Variants in ANKS1B observed in about 807,000 individuals in gnomAD.
The protein encoded by ANKS1B is ankyrin repeat and sterile alpha motif domain containing 1B.
Under a neutral mutation model 148.3 loss-of-function variants are expected in ANKS1B, and 36 were observed. That is an observed-to-expected ratio of 0.24 (90% CI 0.19 to 0.32). The LOEUF is 0.32. Among genes scored for constraint, ANKS1B ranks in the 10% least tolerant of loss-of-function variants. ANKS1B has a pLI of 1.00. For synonymous variants in ANKS1B, 542 were observed against 560.8 expected (o/e 0.97, Z 0.47); for missense variants, 1,157 against 1,542.6 (o/e 0.75, Z 4.19).
chr12:99,863,164 T>G (rs2090262300), intron 1 of ANKS1B, among the ~76,000 whole-genome samples: 1 of 152,184 alleles, frequency 6.6e-6, no homozygotes, highest in African/African-American at 2.4e-5. Context: ...GCTTCTTATG[T>G]ATGTGCCTCT....
intron 14 of ANKS1B, among the ~76,000 whole-genome samples, chr12:99,197,069 A>C (rs562677257): frequency 6.6e-6 from 1 of 152,164 alleles, no homozygotes; most frequent in East Asian, 1.9e-4. Context: ...TAACAGTACC[A>C]CACCTAATTG....
chr12:98,908,111 C>T (rs2099781909), intron 17 of ANKS1B, among the ~76,000 whole-genome samples: 1 of 152,192 alleles, frequency 6.6e-6, no homozygotes, highest in Admixed American at 6.5e-5. Context: ...GTACCAAGCA[C>T]ATCCTGGCCT....
At chr12:99,586,055 T>A (rs1344928197) in intron 9 of ANKS1B, among the ~76,000 whole-genome samples, 1 of 152,210 alleles carries the variant, frequency 6.6e-6, no homozygotes, top group African/African-American at 2.4e-5. Context: ...AGAAAATGAA[T>A]TTTTCCCTTC....
At position 99,632,767 on chromosome 12, in the gene ANKS1B, A is replaced by ATATATATATATATATATATT. The variant is rs1441486862; in HGVS notation, c.1272+22299_1272+22300insAATATATATATATATATATA. On this transcript the variant is annotated intron_variant, in intron 9 of 26. Transcript: ENST00000683438. ...TATATATATATATATATATATATAT[A>ATATATATATATATATATATT]TTTTAATTATACTTTAAGTTCTAGG... Among the ~76,000 whole-genome samples, 121 of 71,270 alleles carry ATATATATATATATATATATT rather than the reference A, an allele frequency of 1.7e-3. 4 individuals carry two copies. Among genetic ancestry groups the ATATATATATATATATATATT allele is most frequent in the Non-Finnish European group, 2.3e-3 (81 of 34,668 alleles). The allele number at this position is 71,270 out of a possible 152,430, so 46.8% of individuals were successfully genotyped here. A position where few individuals can be genotyped will look rare whatever the true frequency, so the allele number is the denominator to read the frequency against.
At chr12:99,650,843 TATTCTA>T (rs1301171881) in intron 9 of ANKS1B, among the ~76,000 whole-genome samples, 4 of 152,122 alleles carry the variant, frequency 2.6e-5, no homozygotes, top group Non-Finnish European at 5.9e-5. Flanking sequence ...GATTAGCCAA[TATTCTA>T]ATTTTGCAAG....
intron 17 of ANKS1B, chr12:98,954,480 G>T (rs1322680062): frequency 6.6e-6 from 1 of 152,200 alleles, no homozygotes; most frequent in Non-Finnish European, 1.5e-5. Flanking sequence ...AGCCATTAGG[G>T]CTCCTCCCTT....
chr12:99,843,332 G>C (rs2086077824), intron 1 of ANKS1B, among the ~76,000 whole-genome samples: 1 of 151,978 alleles, frequency 6.6e-6, no homozygotes, highest in Non-Finnish European at 1.5e-5. Context: ...GGTGGGGCTA[G>C]CTGCACAGAT....
intron 12 of ANKS1B, among the ~76,000 whole-genome samples, chr12:99,391,330 G>A (rs1386615284): frequency 6.6e-6 from 1 of 152,048 alleles, no homozygotes; most frequent in African/African-American, 2.4e-5. Flanking sequence ...TAGCTACAAG[G>A]GTTTGATTGG....
At chr12:99,699,034 T>C (rs1368988997) in intron 8 of ANKS1B, among the ~76,000 whole-genome samples, 1 of 152,188 alleles carries the variant, frequency 6.6e-6, no homozygotes. Context: ...CAGATTTTCT[T>C]ATTTTTCAAA....
At chr12:98,824,733 G>A (rs2099233574) in intron 19 of ANKS1B, among the ~76,000 whole-genome samples, 1 of 152,180 alleles carries the variant, frequency 6.6e-6, no homozygotes, top group African/African-American at 2.4e-5. Flanking sequence ...TTTGTAGACA[G>A]AGTTAACCCC....
In ANKS1B at chr12:99,263,707, C is replaced by T. The variant is rs756925813; in HGVS notation, c.1757-16843G>A. 7.0e-4 allele frequency among the ~76,000 whole-genome samples: 106 copies of T among 152,118 alleles called. 1 individual carries two copies. The highest frequency in any genetic ancestry group is 9.7e-4 in the East Asian group (5 of 5,170). On this transcript the variant is annotated intron_variant, in intron 12 of 26. Coordinates refer to ENST00000683438, the MANE Select transcript of ANKS1B (RefSeq NM_001352186.2). ...GTGAGTGAGTTCTCATGAGATATGACGGTTTTATAAGTGCTTGACAGTTCC... is the reference window on the plus strand; with the variant it reads ...GTGAGTGAGTTCTCATGAGATATGATGGTTTTATAAGTGCTTGACAGTTCC...
chr12:99,773,886 A>T (rs1205698707), intron 7 of ANKS1B, among the ~76,000 whole-genome samples: 1 of 152,124 alleles, frequency 6.6e-6, no homozygotes. Context: ...AAGGTTTCCA[A>T]GAACACAAAA....
At chr12:98,820,365 T>C (rs2099175245) in intron 19 of ANKS1B, among the ~76,000 whole-genome samples, 1 of 152,228 alleles carries the variant, frequency 6.6e-6, no homozygotes, top group African/African-American at 2.4e-5. Flanking sequence ...ATGATGCCGA[T>C]GAATCACCAG....
chr12:98,757,963 C>T (rs1472256768), intron 25 of ANKS1B, among the ~76,000 whole-genome samples: 6 of 103,166 alleles, frequency 5.8e-5, no homozygotes, highest in East Asian at 2.9e-4. Flanking sequence ...TGTGTGCACA[C>T]GGGGTGCAGG....
chr12:98,941,011 C>G (rs543065280), intron 17 of ANKS1B, among the ~76,000 whole-genome samples: 100 of 152,198 alleles, frequency 6.6e-4, no homozygotes, highest in African/African-American at 2.3e-3. Flanking sequence ...TAGTTATATT[C>G]TATAAGGTCA....
chr12:99,577,916 C>T (rs186088031), intron 9 of ANKS1B, among the ~76,000 whole-genome samples: 241 of 151,828 alleles, frequency 1.6e-3, no homozygotes, highest in Middle Eastern at 0.01. Flanking sequence ...CTGACAGAGA[C>T]GCAAGAGAAA....
At chr12:99,601,465 T>C (rs1437995916) in intron 9 of ANKS1B, among the ~76,000 whole-genome samples, 1 of 152,130 alleles carries the variant, frequency 6.6e-6, no homozygotes. Context: ...TTTTAATGTA[T>C]CAAGAGAAAG....
chr12:99,618,026 T>G (rs759026998), intron 9 of ANKS1B, among the ~76,000 whole-genome samples: 8 of 152,184 alleles, frequency 5.3e-5, no homozygotes, highest in Non-Finnish European at 1.2e-4. Flanking sequence ...ACCACCTCTT[T>G]GACCTCAATC....
At chr12:99,888,999 C>CACACACACACA (rs1491163791) in intron 1 of ANKS1B, among the ~76,000 whole-genome samples, 1 of 146,854 alleles carries the variant, frequency 6.8e-6, no homozygotes, top group Non-Finnish European at 1.5e-5. Context: ...CACACACACA[C>CACACACACACA]AACTAGAGAC....
Sources: gnomAD v4.1 joint callset for allele counts (sites outside exome capture counted in the v4.1 genomes callset) on GRCh38, gnomAD v4.1.1 for gene constraint, MANE v1.5 for transcripts, NCBI Gene and HGNC (gene_info 2026-07-23, HGNC 2026-07-21) for gene names.